Variants in ZNF66 observed in about 807,000 individuals in gnomAD.
The protein encoded by ZNF66 is zinc finger protein 66, also known as putative zinc finger protein 66.
ZNF66 carries 32 observed loss-of-function variants against 35.2 expected under a neutral mutation model. The observed-to-expected ratio is 0.91, with a 90% CI of 0.69 to 1.22. The LOEUF (loss-of-function observed/expected upper bound fraction) is 1.22. Ranked by LOEUF, ZNF66 falls within the 50% of genes most tolerant of loss-of-function variation. The pLI is 0.00. For missense variants in ZNF66, 666 were observed against 543.1 expected (o/e 1.23, Z -2.25); for synonymous variants, 231 against 181.3 (o/e 1.27, Z -2.20).
rs138656229 is a variant in ZNF66 at position 20,780,672 on chromosome 19, A to T, written c.3+4222A>T. Among the ~76,000 whole-genome samples, 7 of 152,290 alleles carry T rather than the reference A, an allele frequency of 4.6e-5. 2 individuals are homozygous for T. The highest frequency in any genetic ancestry group is 1.7e-4 in the African/African-American group (7 of 41,554). ...TTGTTTAATGTTCAGCTAACTCTAC[A>T]GATTTGGTGCCAGAAAAAAGATATC... On this transcript the variant is annotated intron_variant, in intron 1 of 3. Coordinates refer to ENST00000344519, the MANE Select transcript of ZNF66 (RefSeq NM_001355197.2).
At chr19:20,780,332 ATTTCT>A (rs1971234679) in intron 1 of ZNF66, among the ~76,000 whole-genome samples, 1 of 151,952 alleles carries the variant, frequency 6.6e-6, no homozygotes, top group Admixed American at 6.6e-5. Flanking sequence ...ATCTTTCCCC[ATTTCT>A]TTTCTTTGTT....
intron 3 of ZNF66, among the ~76,000 whole-genome samples, chr19:20,805,374 A>G (rs116719551): frequency 2.7e-3 from 418 of 152,124 alleles, no homozygotes; most frequent in Non-Finnish European, 4.9e-3. Flanking sequence ...TTGTGTTTTT[A>G]GTAGAGATGG....
At chr19:20,792,739 A>G in intron 2 of ZNF66, 101 bp downstream of exon 2, 1 of 743,712 alleles carries the variant, frequency 1.3e-6, no homozygotes, top group Non-Finnish European at 2.0e-6. Flanking sequence ...AAAGAGTTTC[A>G]GATCCAGTTT....
intron 1 of ZNF66, among the ~76,000 whole-genome samples, chr19:20,777,862 T>C (rs1187547714): frequency 1.3e-5 from 2 of 152,064 alleles, no homozygotes; most frequent in South Asian, 2.1e-4. Context: ...AGGAAAAATA[T>C]AGGGAAAATC....
chr19:20,805,126 T>TGTGTGTGAGAGA (rs752355466), intron 3 of ZNF66, among the ~76,000 whole-genome samples: 2 of 145,984 alleles, frequency 1.4e-5, no homozygotes, highest in African/African-American at 2.5e-5. Context: ...TGTGTGTGTG[T>TGTGTGTGAGAGA]GAGAGAGAGA....
chr19:20,803,527 T>A (rs920372382), intron 3 of ZNF66, among the ~76,000 whole-genome samples: 2 of 151,926 alleles, frequency 1.3e-5, no homozygotes, highest in African/African-American at 4.8e-5. Context: ...TTGCCAATTA[T>A]ATTTTTTATG....
chr19:20,784,341 TAGCC>T (rs1390750318), intron 1 of ZNF66, among the ~76,000 whole-genome samples: 2 of 152,218 alleles, frequency 1.3e-5, no homozygotes, highest in African/African-American at 4.8e-5. Flanking sequence ...TTATATCTAA[TAGCC>T]AGAGAAAATT....
intron 3 of ZNF66, among the ~76,000 whole-genome samples, chr19:20,802,872 G>A (rs574363482): frequency 8.5e-5 from 13 of 152,148 alleles, no homozygotes; most frequent in Middle Eastern, 3.4e-3. Context: ...ACACACACAT[G>A]CAAATACATA....
At chr19:20,776,972 G>A (rs1299618811) in intron 1 of ZNF66, among the ~76,000 whole-genome samples, 2 of 151,902 alleles carry the variant, frequency 1.3e-5, no homozygotes, top group African/African-American at 4.8e-5. Context: ...AAAATTAGGT[G>A]GATATGTTGG....
intron 3 of ZNF66, among the ~76,000 whole-genome samples, chr19:20,798,322 G>A (rs74510899): frequency 0.024 from 3,713 of 151,920 alleles, 68 homozygotes; most frequent in Non-Finnish European, 0.036. Flanking sequence ...AGGGCCAGGC[G>A]TGGTGGTGGC....
chr19:20,781,160 G>A (rs1249350064), intron 1 of ZNF66, among the ~76,000 whole-genome samples: 1 of 152,080 alleles, frequency 6.6e-6, no homozygotes, highest in Non-Finnish European at 1.5e-5. Context: ...GGCTGCATTG[G>A]GACCACTATC....
chr19:20,777,081 C>G lies in ZNF66; in HGVS notation c.3+631C>G, dbSNP rs558957006. Among the ~76,000 whole-genome samples, 296 of 138,134 alleles carry G rather than the reference C, an allele frequency of 2.1e-3. 1 individual carries two copies. The highest frequency in any genetic ancestry group is 7.6e-3 in the African/African-American group (285 of 37,590). 90.6% of individuals were successfully genotyped at this position (138,134 alleles called of 152,430 possible). On this transcript the variant is annotated intron_variant, in intron 1 of 3. Coordinates refer to ENST00000344519, the MANE Select transcript of ZNF66 (RefSeq NM_001355197.2). ...AGTGAGCTGAAATCCTGCCACTGCA[C>G]TCCAGCCTGGGCGACAGAGCAAGAC...
intron 1 of ZNF66, among the ~76,000 whole-genome samples, chr19:20,791,834 T>G (rs1971340856): frequency 6.6e-6 from 1 of 152,238 alleles, no homozygotes; most frequent in Non-Finnish European, 1.5e-5. Context: ...TGACAGACTT[T>G]TTTTTACTAT....
chr19:20,783,095 T>C (rs1172083257), intron 1 of ZNF66, among the ~76,000 whole-genome samples: 1 of 152,112 alleles, frequency 6.6e-6, no homozygotes, highest in Non-Finnish European at 1.5e-5. Flanking sequence ...TAGCACCATT[T>C]GTTAAATAGA....
At chr19:20,804,048 G>A (rs389515) in intron 3 of ZNF66, among the ~76,000 whole-genome samples, 14,134 of 151,552 alleles carry the variant, frequency 0.093, 671 homozygotes, top group Middle Eastern at 0.11. Context: ...TGCTTATTAT[G>A]TGTGTTTGTT....
intron 1 of ZNF66, among the ~76,000 whole-genome samples, chr19:20,791,907 C>CAT (rs113764742): frequency 0.093 from 14,149 of 152,100 alleles, 672 homozygotes; most frequent in Middle Eastern, 0.11. Context: ...AACAAACAAT[C>CAT]ATTTAATCTG....
chr19:20,780,193 G>T (rs1310573817), intron 1 of ZNF66, among the ~76,000 whole-genome samples: 2 of 152,160 alleles, frequency 1.3e-5, no homozygotes, highest in African/African-American at 4.8e-5. Context: ...TGTGTGATAG[G>T]TAAGAAAAGA....
intron 3 of ZNF66, among the ~76,000 whole-genome samples, chr19:20,804,758 A>G (rs1262559862): frequency 6.6e-6 from 1 of 152,194 alleles, no homozygotes; most frequent in African/African-American, 2.4e-5. Flanking sequence ...TCATGGCTAG[A>G]GATTTTGGGA....
At chr19:20,796,115 C>G (rs1179521703) in intron 3 of ZNF66, among the ~76,000 whole-genome samples, 3 of 152,050 alleles carry the variant, frequency 2.0e-5, no homozygotes, top group Non-Finnish European at 4.4e-5. Context: ...TCTCAAAATC[C>G]TGGCCTGAAG....
Sources: gnomAD v4.1 joint callset for allele counts (sites outside exome capture counted in the v4.1 genomes callset) on GRCh38, gnomAD v4.1.1 for gene constraint, MANE v1.5 for transcripts, NCBI Gene and HGNC (gene_info 2026-07-23, HGNC 2026-07-21) for gene names.